Variants in GALNTL6 observed in about 807,000 individuals in gnomAD.
GALNTL6 encodes the protein polypeptide N-acetylgalactosaminyltransferase like 6, also known as polypeptide N-acetylgalactosaminyltransferase-like 6.
GALNTL6 carries 46 observed loss-of-function variants against 73.7 expected under a neutral mutation model. The observed-to-expected ratio is 0.62, with a 90% confidence interval of 0.49 to 0.80. GALNTL6 has a LOEUF of 0.80. GALNTL6 is among the 30% of genes least tolerant of loss of function. The pLI is 0.00. For missense variants in GALNTL6, 604 were observed against 755.0 expected, an observed-to-expected ratio of 0.80 and a Z score of 2.34; for synonymous variants, 259 against 263.7, an observed-to-expected ratio of 0.98 and a Z score of 0.17.
At chr4:171,936,775 T>C (rs1738362405) in intron 2 of GALNTL6, among the ~76,000 whole-genome samples, 1 of 152,194 alleles carries the variant, frequency 6.6e-6, no homozygotes, top group Non-Finnish European at 1.5e-5. Flanking sequence ...ATAGTTTATA[T>C]TGATATTCTG....
chr4:172,140,524 G>A (rs1236246746), intron 2 of GALNTL6, among the ~76,000 whole-genome samples: 1 of 151,914 alleles, frequency 6.6e-6, no homozygotes, highest in African/African-American at 2.4e-5. Flanking sequence ...TCTGACATAG[G>A]TATCACTATT....
chr4:172,603,668 A>G (rs1738151732), intron 5 of GALNTL6, among the ~76,000 whole-genome samples: 1 of 152,226 alleles, frequency 6.6e-6, no homozygotes, highest in South Asian at 2.1e-4. Flanking sequence ...CCTGTGCACT[A>G]GAAGACAAAA....
chr4:172,861,382 A>G (rs1744387965), intron 7 of GALNTL6, among the ~76,000 whole-genome samples: 1 of 150,128 alleles, frequency 6.7e-6, no homozygotes, highest in Non-Finnish European at 1.5e-5. Context: ...AGCCCATTTC[A>G]AAGCATCTAC....
chr4:172,462,383 A>G (rs1732650029), intron 5 of GALNTL6, among the ~76,000 whole-genome samples: 1 of 152,182 alleles, frequency 6.6e-6, no homozygotes, highest in Non-Finnish European at 1.5e-5. Flanking sequence ...TTAAGATATA[A>G]AAAGTGTGCT....
chr4:171,886,648 A>AC (rs1736617324), intron 2 of GALNTL6, among the ~76,000 whole-genome samples: 1 of 152,158 alleles, frequency 6.6e-6, no homozygotes, highest in Admixed American at 6.5e-5. Flanking sequence ...GGTGAAGGAC[A>AC]CGTGTCATAT....
chr4:173,030,374 C>T (rs934457623), intron 12 of GALNTL6, among the ~76,000 whole-genome samples: 3 of 152,052 alleles, frequency 2.0e-5, no homozygotes, highest in Admixed American at 2.0e-4. Context: ...CTAACTTTTG[C>T]CATTTCAACT....
chr4:172,276,332 G>A (rs1224959773), intron 3 of GALNTL6, among the ~76,000 whole-genome samples: 1 of 152,180 alleles, frequency 6.6e-6, no homozygotes. Flanking sequence ...AGATCAATAA[G>A]ACACTGAATA....
intron 5 of GALNTL6, among the ~76,000 whole-genome samples, chr4:172,737,832 C>G (rs1288803732): frequency 6.6e-6 from 1 of 152,190 alleles, no homozygotes; most frequent in African/African-American, 2.4e-5. Context: ...CACCTTAAGC[C>G]TAGGTTCATC....
chr4:172,993,963 A>T (rs958515196), intron 10 of GALNTL6, among the ~76,000 whole-genome samples: 1 of 152,028 alleles, frequency 6.6e-6, no homozygotes, highest in Non-Finnish European at 1.5e-5. Context: ...TTTGACACCC[A>T]CCCTTCATAT....
chr4:172,196,578 C>T (rs1196207042), intron 2 of GALNTL6, among the ~76,000 whole-genome samples: 1 of 152,172 alleles, frequency 6.6e-6, no homozygotes, highest in African/African-American at 2.4e-5. Flanking sequence ...TCCAGTAGCA[C>T]ATTAAAAAGC....
chr4:171,817,151 G>T (rs1051089986), intron 2 of GALNTL6, among the ~76,000 whole-genome samples: 6 of 152,082 alleles, frequency 3.9e-5, no homozygotes, highest in Admixed American at 6.5e-5. Context: ...ATAATGTGCA[G>T]ATCAAAGCAC....
rs570531291 is a variant in GALNTL6, at chr4:172,272,415, A to G, written c.248-39199A>G. ...GTCTAGATGGTATAGCGCACTACAC[A>G]CCTAGGCCATACAATATACCTATTG... On this transcript the variant is annotated intron_variant, in intron 3 of 12. Coordinates refer to ENST00000506823, the MANE Select transcript of GALNTL6 (RefSeq NM_001034845.3). Among the ~76,000 whole-genome samples, 3 of 152,356 alleles carry G rather than the reference A, an allele frequency of 2.0e-5. No individual in the cohort carries two copies. The East Asian group carries it at 5.8e-4, about 29-fold the overall frequency.
intron 5 of GALNTL6, among the ~76,000 whole-genome samples, chr4:172,391,736 C>G (rs1405101514): frequency 6.6e-6 from 1 of 152,126 alleles, no homozygotes; most frequent in African/African-American, 2.4e-5. Flanking sequence ...TTCTAAACAA[C>G]TGATCTCTTA....
At chr4:172,270,171 CTGTG>C (rs758294136) in intron 3 of GALNTL6, among the ~76,000 whole-genome samples, 4 of 150,262 alleles carry the variant, frequency 2.7e-5, no homozygotes, top group Admixed American at 1.3e-4. Context: ...TCTCTGTCCA[CTGTG>C]TGTGTGTGTG....
chr4:172,979,591 A>G (rs1443227004), intron 10 of GALNTL6, among the ~76,000 whole-genome samples: 1 of 152,196 alleles, frequency 6.6e-6, no homozygotes, highest in African/African-American at 2.4e-5. Context: ...TGTCTCCCCA[A>G]GTGAACTATA....
Position 172,986,469 on chromosome 4 carries a change from C to T in GALNTL6, c.1372-22709C>T, listed in dbSNP as rs75011364. 9.7e-3 allele frequency among the ~76,000 whole-genome samples: 1,474 copies of T among 152,292 alleles called. 59 individuals are homozygous for T. The highest frequency in any genetic ancestry group is 0.096 in the East Asian group (496 of 5,180). On this transcript the variant is annotated intron_variant, in intron 10 of 12. Coordinates refer to ENST00000506823, the MANE Select transcript of GALNTL6 (RefSeq NM_001034845.3). ...AACCCTGGGGGATTCAGGCAAATAG[C>T]TCTGAGAACCAATCAGACATAGGGT...
At chr4:172,296,026 G>C (rs1280539706) in intron 3 of GALNTL6, among the ~76,000 whole-genome samples, 1 of 151,938 alleles carries the variant, frequency 6.6e-6, no homozygotes, top group Non-Finnish European at 1.5e-5. Flanking sequence ...TAGAAGTATT[G>C]ATGCTTGACA....
intron 5 of GALNTL6, among the ~76,000 whole-genome samples, chr4:172,760,597 C>T (rs1485291705): frequency 6.6e-6 from 1 of 152,116 alleles, no homozygotes; most frequent in Non-Finnish European, 1.5e-5. Flanking sequence ...TACAACTGCC[C>T]CAGAAATAAC....
chr4:172,839,653 G>C (rs1430214769), intron 7 of GALNTL6, among the ~76,000 whole-genome samples: 3 of 152,154 alleles, frequency 2.0e-5, no homozygotes, highest in African/African-American at 7.2e-5. Context: ...ATACAGAATT[G>C]ATATATCTTC....
Sources: gnomAD v4.1 joint callset for allele counts (sites outside exome capture counted in the v4.1 genomes callset) on GRCh38, gnomAD v4.1.1 for gene constraint, MANE v1.5 for transcripts, NCBI Gene and HGNC (gene_info 2026-07-23, HGNC 2026-07-21) for gene names.